The following DYM variants were observed in gnomAD, a reference collection of about 807,000 sequenced individuals.
The protein encoded by DYM is dymeclin.
In DYM, 78 loss-of-function variants were observed where a neutral mutation model predicts 93.1. That is an observed-to-expected ratio of 0.84 (90% CI 0.70 to 1.01). DYM has a LOEUF of 1.01. DYM is among the 50% of genes least tolerant of loss of function. The pLI is 0.00. For synonymous variants in DYM, 321 were observed against 319.7 expected (o/e 1.00, Z -0.04); for missense variants, 789 against 845.0 (o/e 0.93, Z 0.82).
At chr18:49,279,372 G>A (rs1397359007) in intron 10 of DYM, among the ~76,000 whole-genome samples, 1 of 152,100 alleles carries the variant, frequency 6.6e-6, no homozygotes, top group African/African-American at 2.4e-5. Context: ...TAAAAGAATT[G>A]ATAACTACAA....
At chr18:49,067,512 G>GA (rs1355734292) in intron 17 of DYM, among the ~76,000 whole-genome samples, 2 of 148,810 alleles carry the variant, frequency 1.3e-5, no homozygotes, top group Non-Finnish European at 3.0e-5. Flanking sequence ...AGTTTAGTAG[G>GA]GAAGGAGTGG....
At chr18:49,392,254 G>C (rs2069347305) in intron 2 of DYM, among the ~76,000 whole-genome samples, 1 of 152,050 alleles carries the variant, frequency 6.6e-6, no homozygotes, top group Non-Finnish European at 1.5e-5. Context: ...ATAAAGCTTA[G>C]AAGAAAATAT....
rs569420965 is a variant in DYM, at chr18:49,339,110, T to A, written c.495-5257A>T. On this transcript the variant is annotated intron_variant, in intron 6 of 17. Coordinates refer to ENST00000675505, the MANE Select transcript of DYM (RefSeq NM_001353214.3). ...TCTGAAACAAGGTGATATGCCCCTA[T>A]GCCCTAGAGAATGTAATGTGTTGCC... Among the ~76,000 whole-genome samples the A allele has an allele frequency of 3.3e-5, 5 of 152,270 alleles. No homozygotes were observed. The South Asian group carries it at 8.3e-4, about 25-fold the overall frequency.
At chr18:49,369,727 C>T (rs574641546) in intron 5 of DYM, among the ~76,000 whole-genome samples, 70 of 145,930 alleles carry the variant, frequency 4.8e-4, no homozygotes, top group Admixed American at 1.1e-3. Flanking sequence ...AGAATAAGTC[C>T]CACAAAATAA....
chr18:49,286,302 G>T, intron 9 of DYM, 132 bp downstream of exon 9: 1 of 1,052,836 alleles, frequency 9.5e-7, no homozygotes, highest in Non-Finnish European at 1.5e-6. Context: ...AAAAGCTAAA[G>T]TTTTTCTCAT....
At chr18:49,055,269 G>C (rs1455322199) in intron 17 of DYM, among the ~76,000 whole-genome samples, 1 of 152,112 alleles carries the variant, frequency 6.6e-6, no homozygotes, top group Non-Finnish European at 1.5e-5. Context: ...GAGGTGGGTG[G>C]AGGCACGGAG....
At chr18:49,288,410 T>C (rs1215652693) in intron 8 of DYM, among the ~76,000 whole-genome samples, 5 of 152,270 alleles carry the variant, frequency 3.3e-5, no homozygotes, top group Non-Finnish European at 7.4e-5. Flanking sequence ...AACCATAGAA[T>C]TTGAAGACCA....
chr18:49,044,007 T>C lies in DYM; in HGVS notation c.*48A>G. ...TCTGTTACCCAGAAATAAAAGAACT[T>C]GAAGGGCTGCTTGGCTGGAGGGGTC... On this transcript the variant is annotated 3_prime_UTR_variant, in exon 18 of 18. Coordinates refer to ENST00000675505, the MANE Select transcript of DYM (RefSeq NM_001353214.3). 6.2e-7 allele frequency: 1 copy of C among 1,609,754 alleles called. No homozygotes were observed. Among genetic ancestry groups the C allele is most frequent in the East Asian group, 2.2e-5 (1 of 44,822 alleles).
intron 13 of DYM, among the ~76,000 whole-genome samples, chr18:49,242,238 C>A (rs1434770120): frequency 6.6e-6 from 1 of 152,122 alleles, no homozygotes; most frequent in Non-Finnish European, 1.5e-5. Context: ...ATGGCGAAAC[C>A]CCATCTCTAC....
chr18:49,383,215 T>C (rs1194414927), intron 3 of DYM, among the ~76,000 whole-genome samples: 2 of 152,088 alleles, frequency 1.3e-5, no homozygotes, highest in Non-Finnish European at 1.5e-5. Context: ...TCAAACAAAA[T>C]GAGACAATTA....
At chr18:49,114,650 CT>C (rs1393566582) in intron 16 of DYM, 75 of 832,510 alleles carry the variant, frequency 9.0e-5, no homozygotes, top group Admixed American at 1.3e-4. Context: ...CTTTCAGAGA[CT>C]TTTTTTTTCT....
chr18:49,370,294 A>AC (rs2066903351), intron 5 of DYM, among the ~76,000 whole-genome samples: 4 of 149,112 alleles, frequency 2.7e-5, no homozygotes, highest in Admixed American at 2.0e-4. Context: ...AAAAAAAAAA[A>AC]AAAAACAAAA....
At chr18:49,122,406 C>T (rs2082461531) in intron 15 of DYM, among the ~76,000 whole-genome samples, 1 of 152,166 alleles carries the variant, frequency 6.6e-6, no homozygotes, top group Non-Finnish European at 1.5e-5. Flanking sequence ...ACCTTAGTGA[C>T]CATCTCCCTG....
At chr18:49,420,606 G>A (rs867296476) in intron 2 of DYM, among the ~76,000 whole-genome samples, 8 of 152,128 alleles carry the variant, frequency 5.3e-5, no homozygotes, top group Non-Finnish European at 8.8e-5. Flanking sequence ...CACAGAAGAC[G>A]GGTGATTTCT....
At chr18:49,129,378 A>C (rs1298326939) in intron 15 of DYM, among the ~76,000 whole-genome samples, 3 of 152,222 alleles carry the variant, frequency 2.0e-5, no homozygotes. Context: ...GTAACTTAAT[A>C]AATCTTAAAT....
intron 1 of DYM, among the ~76,000 whole-genome samples, chr18:49,453,593 G>C (rs1160224583): frequency 1.3e-5 from 2 of 152,180 alleles, no homozygotes; most frequent in Non-Finnish European, 2.9e-5. Context: ...AGGGTCCGTG[G>C]CTTCATTCTT....
intron 8 of DYM, among the ~76,000 whole-genome samples, chr18:49,323,828 A>T (rs1172277381): frequency 6.6e-6 from 1 of 152,232 alleles, no homozygotes; most frequent in Admixed American, 6.5e-5. Flanking sequence ...TATGGAAGTA[A>T]GGGTCTTCAG....
chr18:49,430,148 A>G (rs2074669760), intron 2 of DYM, 107 bp downstream of exon 2: 2 of 1,048,616 alleles, frequency 1.9e-6, no homozygotes, highest in African/African-American at 3.1e-5. Flanking sequence ...TATGACAGAT[A>G]GACTAGATAG....
chr18:49,263,861 C>A (rs2094528576), intron 11 of DYM, among the ~76,000 whole-genome samples: 1 of 152,168 alleles, frequency 6.6e-6, no homozygotes, highest in South Asian at 2.1e-4. Context: ...AAAATAGATT[C>A]CTCAGCCATA....
Sources: allele counts gnomAD v4.1 joint callset (sites outside exome capture counted in the v4.1 genomes callset), GRCh38; gene constraint gnomAD v4.1.1; transcripts MANE v1.5; gene names NCBI Gene and HGNC (gene_info 2026-07-23, HGNC 2026-07-21).